Variants in RAB3C observed in about 807,000 individuals in gnomAD.
The protein encoded by RAB3C is RAB3C, member RAS oncogene family.
A neutral mutation model predicts 26.4 loss-of-function variants in RAB3C; 17 were observed. The ratio of observed to expected loss-of-function variants is 0.64; its 90% CI spans 0.44 to 0.97. The LOEUF (loss-of-function observed/expected upper bound fraction) is 0.97. Ranked by LOEUF, RAB3C falls within the 50% of genes least tolerant of loss-of-function variation. RAB3C has a pLI of 0.00. For synonymous variants in RAB3C, 91 were observed against 95.9 expected, an observed-to-expected ratio of 0.95 and a Z score of 0.30; for missense variants, 242 against 281.9, an observed-to-expected ratio of 0.86 and a Z score of 1.01.
chr5:58,668,091 T>C (rs1439551725), intron 2 of RAB3C, among the ~76,000 whole-genome samples: 1 of 152,178 alleles, frequency 6.6e-6, no homozygotes, highest in Non-Finnish European at 1.5e-5. Flanking sequence ...AAGTATGATA[T>C]ATAACATAGC....
chr5:58,605,816 T>A (rs6895249), intron 1 of RAB3C, among the ~76,000 whole-genome samples: 61,627 of 151,462 alleles, frequency 0.41, 12,590 homozygotes, highest in African/African-American at 0.43. Flanking sequence ...GAGACAGGAG[T>A]CTCGCTTACA....
chr5:58,778,684 T>A (rs1742203606), intron 3 of RAB3C, among the ~76,000 whole-genome samples: 1 of 152,144 alleles, frequency 6.6e-6, no homozygotes, highest in Non-Finnish European at 1.5e-5. Flanking sequence ...TCTCTACCTC[T>A]CATACCCAAA....
rs1217698003 is a variant in RAB3C at position 58,859,094 on chromosome 5, T to C, written c.*7743T>C. ...CTGTGGAACTCTTCTTAAGAAAATA[T>C]TGAAAACAGCTTAATGCTTTCATAT... is the stretch of plus-strand genomic sequence containing the variant. On this transcript the variant is annotated 3_prime_UTR_variant, in exon 5 of 5. Coordinates refer to ENST00000282878, the MANE Select transcript of RAB3C (RefSeq NM_138453.4). 2 of 152,208 alleles carry C rather than the reference T, an allele frequency of 1.3e-5. No individual in the cohort carries two copies. The highest frequency in any genetic ancestry group is 2.9e-5 in the Non-Finnish European group (2 of 68,036). 9.4% of individuals were successfully genotyped at this position (152,208 alleles called of 1,614,324 possible). A position where few individuals can be genotyped will look rare whatever the true frequency, so the allele number is the denominator to read the frequency against.
At chr5:58,826,997 C>T (rs1743495843) in intron 4 of RAB3C, among the ~76,000 whole-genome samples, 1 of 152,188 alleles carries the variant, frequency 6.6e-6, no homozygotes, top group South Asian at 2.1e-4. Context: ...AGAACCCTTC[C>T]ACCAAATATT....
Position 58,610,653 on chromosome 5 carries a change from A to T in RAB3C, c.25-6990A>T, listed in dbSNP as rs1250002017. The stretch of plus-strand genomic sequence containing the variant: ...CCTTCTAATTTCAAAGAATAATTGC[A>T]TTTTTTTTTGGATAATTTACCCTAG... On this transcript the variant is annotated intron_variant, in intron 1 of 4. Coordinates refer to ENST00000282878, the MANE Select transcript of RAB3C (RefSeq NM_138453.4). 2.0e-5 allele frequency among the ~76,000 whole-genome samples: 3 copies of T among 150,686 alleles called. No individual in the cohort carries two copies. In the East Asian group the frequency reaches 5.9e-4, roughly 29 times the overall value.
intron 3 of RAB3C, among the ~76,000 whole-genome samples, chr5:58,771,368 G>A (rs566450888): frequency 2.0e-5 from 3 of 152,036 alleles, no homozygotes; most frequent in Non-Finnish European, 4.4e-5. Flanking sequence ...TAATTTAAAT[G>A]AGATTAAAAA....
At chr5:58,636,280 T>C (rs112857846) in intron 2 of RAB3C, among the ~76,000 whole-genome samples, 84 of 152,336 alleles carry the variant, frequency 5.5e-4, no homozygotes, top group African/African-American at 1.9e-3. Flanking sequence ...AGCTCTCTAG[T>C]AGATGGGTTC....
chr5:58,770,890 C>T (rs1742017999), intron 3 of RAB3C, among the ~76,000 whole-genome samples: 1 of 152,124 alleles, frequency 6.6e-6, no homozygotes, highest in Admixed American at 6.6e-5. Context: ...CTCATATATA[C>T]TCACACACGT....
At chr5:58,662,307 G>A (rs746615479) in intron 2 of RAB3C, among the ~76,000 whole-genome samples, 1 of 150,142 alleles carries the variant, frequency 6.7e-6, no homozygotes, top group Non-Finnish European at 1.5e-5. Flanking sequence ...GGGGTGTGCT[G>A]TTGTTCAATA....
At chr5:58,582,699 C>G (rs1745924137), upstream of RAB3C, among the ~76,000 whole-genome samples, 1 of 152,132 alleles carries the variant, frequency 6.6e-6, no homozygotes, top group Non-Finnish European at 1.5e-5. Context: ...GCTCTGGCTT[C>G]GTTTGCATTG....
chr5:58,660,456 A>C (rs572003928), intron 2 of RAB3C, among the ~76,000 whole-genome samples: 1 of 150,258 alleles, frequency 6.7e-6, no homozygotes, highest in South Asian at 2.1e-4. Flanking sequence ...TAGACTTGCA[A>C]AGATGTCTCA....
chr5:58,698,450 TC>T (rs1395826692), intron 2 of RAB3C, among the ~76,000 whole-genome samples: 1 of 152,182 alleles, frequency 6.6e-6, no homozygotes, highest in Non-Finnish European at 1.5e-5. Flanking sequence ...TCACTGTATT[TC>T]CTGAATTTGA....
intron 3 of RAB3C, among the ~76,000 whole-genome samples, chr5:58,748,981 T>C (rs1049916628): frequency 6.6e-6 from 1 of 152,130 alleles, no homozygotes; most frequent in Non-Finnish European, 1.5e-5. Context: ...TGAGGCCATA[T>C]AGTAAAGACA....
chr5:58,821,042 G>A (rs1743328530), intron 3 of RAB3C, among the ~76,000 whole-genome samples: 1 of 152,176 alleles, frequency 6.6e-6, no homozygotes. Flanking sequence ...AGGACACCCT[G>A]ACTTGGGTTT....
intron 3 of RAB3C, among the ~76,000 whole-genome samples, chr5:58,784,958 T>A (rs1742346127): frequency 6.6e-6 from 1 of 152,172 alleles, no homozygotes; most frequent in Admixed American, 6.6e-5. Context: ...AAGGTAAGGA[T>A]GAAAAGCTAA....
chr5:58,629,083 A>G (rs963971143), intron 2 of RAB3C, among the ~76,000 whole-genome samples: 1 of 149,638 alleles, frequency 6.7e-6, no homozygotes, highest in Admixed American at 6.7e-5. Context: ...TATTTATTTA[A>G]TTTTTAAAAA....
chr5:58,831,939 C>A (rs569621625), intron 4 of RAB3C, among the ~76,000 whole-genome samples: 39 of 152,312 alleles, frequency 2.6e-4, no homozygotes, highest in African/African-American at 9.1e-4. Context: ...AAATTGGAAT[C>A]TCTGGGCTGG....
intron 3 of RAB3C, among the ~76,000 whole-genome samples, chr5:58,810,371 C>G (rs1214336720): frequency 1.8e-5 from 2 of 111,330 alleles, no homozygotes; most frequent in African/African-American, 8.2e-5. Flanking sequence ...TGTGCTCTCT[C>G]TCTCTCTCTC....
chr5:58,762,399 CAT>C (rs1208648432), intron 3 of RAB3C, among the ~76,000 whole-genome samples: 9 of 152,152 alleles, frequency 5.9e-5, no homozygotes, highest in African/African-American at 9.6e-5. Flanking sequence ...TAATTAATAA[CAT>C]ATTAAATTGG....
Sources: allele counts gnomAD v4.1 joint callset (sites outside exome capture counted in the v4.1 genomes callset), GRCh38; gene constraint gnomAD v4.1.1; transcripts MANE v1.5; gene names NCBI Gene and HGNC (gene_info 2026-07-23, HGNC 2026-07-21).